The following ATP2C1 variants were observed in gnomAD, a reference collection of about 807,000 sequenced individuals.
ATP2C1 encodes ATPase secretory pathway Ca2+ transporting 1.
Under a neutral mutation model 120.5 loss-of-function variants are expected in ATP2C1, and 31 were observed. That is an observed-to-expected ratio of 0.26 (90% CI 0.19 to 0.35). ATP2C1 has a LOEUF of 0.35. ATP2C1 is among the 10% of genes least tolerant of loss of function. The probability of loss-of-function intolerance (pLI) is 1.00; values close to 1 mark genes in which losing one functional copy is unlikely to be tolerated. For synonymous variants in ATP2C1, 351 were observed against 358.7 expected (o/e 0.98, Z 0.24); for missense variants, 731 against 1,107.5 (o/e 0.66, Z 4.83).
rs1421518550 is a variant in ATP2C1 at position 131,002,832 on chromosome 3, G to T, written c.*1482G>T. 1.0e-6 allele frequency: 1 copy of T among 985,610 alleles called. No homozygotes were observed. Among genetic ancestry groups the T allele is most frequent in the Non-Finnish European group, 1.2e-6 (1 of 829,888 alleles). 61.1% of individuals were successfully genotyped at this position (985,610 alleles called of 1,614,324 possible). ...TATTCTTTGAGTCATTGTTACTGAG[G>T]CAGTTGAGTGTAAGGAGCTGGCTGC... On this transcript the variant is annotated 3_prime_UTR_variant, in exon 28 of 28. Coordinates refer to ENST00000510168, the MANE Select transcript of ATP2C1 (RefSeq NM_001378687.1).
At chr3:130,896,616 C>T (rs1006166268) in intron 2 of ATP2C1, among the ~76,000 whole-genome samples, 17 of 152,108 alleles carry the variant, frequency 1.1e-4, no homozygotes, top group African/African-American at 3.9e-4. Flanking sequence ...TAGTTTTCAT[C>T]CTTCTTTGAT....
At position 130,924,747 on chromosome 3, in the gene ATP2C1, G is replaced by A. The variant is rs147374007; in HGVS notation, c.7-5669G>A. Among the ~76,000 whole-genome samples the A allele has an allele frequency of 1.6e-4, 24 of 152,118 alleles. No homozygotes were observed. In the East Asian group the frequency reaches 3.7e-3, roughly 23 times the overall value. On this transcript the variant is annotated intron_variant, in intron 2 of 27. Coordinates refer to ENST00000510168, the MANE Select transcript of ATP2C1 (RefSeq NM_001378687.1). ...TGTTTAACGTAGACCCAGCCTTCAC[G>A]GATGCTTTGTTTATTTTTTTTAAAA... is the stretch of plus-strand genomic sequence containing the variant.
chr3:130,953,146 C>A (rs1291571644), intron 8 of ATP2C1, among the ~76,000 whole-genome samples: 1 of 151,712 alleles, frequency 6.6e-6, no homozygotes, highest in Non-Finnish European at 1.5e-5. Flanking sequence ...TGTATCTATA[C>A]TCATAAAATT....
At chr3:130,954,941 ATGTG>A in intron 9 of ATP2C1, 67 bp from the exon 10 acceptor site, 1 of 1,015,740 alleles carries the variant, frequency 9.8e-7, no homozygotes, top group East Asian at 2.4e-5. Flanking sequence ...AAGTTGTTGG[ATGTG>A]TGTGTGTATG....
intron 25 of ATP2C1, among the ~76,000 whole-genome samples, chr3:130,997,992 TAGAG>T (rs1317861969): frequency 6.6e-6 from 1 of 152,162 alleles, no homozygotes; most frequent in Non-Finnish European, 1.5e-5. Context: ...CATGAAAATT[TAGAG>T]AGAAGTTGGA....
At chr3:130,954,104 T>TA in intron 9 of ATP2C1, 128 bp downstream of exon 9, 1 of 976,478 alleles carries the variant, frequency 1.0e-6, no homozygotes, top group South Asian at 1.4e-5. Context: ...CTTAACCCAT[T>TA]ACATCTATTT....
chr3:130,857,257 T>A (rs1467440041), intron 1 of ATP2C1, among the ~76,000 whole-genome samples: 1 of 152,256 alleles, frequency 6.6e-6, no homozygotes, highest in Non-Finnish European at 1.5e-5. Context: ...CTGAGAGTTA[T>A]CATTGATAGC....
intron 18 of ATP2C1, among the ~76,000 whole-genome samples, chr3:130,976,530 C>T (rs772897409): frequency 2.0e-5 from 3 of 152,120 alleles, no homozygotes; most frequent in Non-Finnish European, 4.4e-5. Flanking sequence ...AGACTCATGG[C>T]TGAGAAGTTA....
intron 1 of ATP2C1, among the ~76,000 whole-genome samples, chr3:130,863,120 A>G (rs111531977): frequency 6.6e-6 from 1 of 152,198 alleles, no homozygotes; most frequent in East Asian, 1.9e-4. Flanking sequence ...ACTATAATAC[A>G]CAAGAGTCCA....
In ATP2C1 at chr3:130,932,052, G is replaced by T; in HGVS notation, c.148G>T (p.Glu50Ter). ...ADLQNGLNKCEVSHRRAFHGW... is the reference protein window; with the variant it reads ...ADLQNGLNKC ...TCTTCAGAATGGTCTAAACAAATGT[G>T]AAGTTAGTCATAGGCGAGCCTTTCA... The change falls in exon 4 of 28, where the codon GAA (glutamate) becomes TAA (stop). Residue 50 changes from glutamate to a stop codon, truncating the protein, a stop_gained. Coordinates refer to ENST00000510168, the MANE Select transcript of ATP2C1 (RefSeq NM_001378687.1). LOFTEE classifies it high-confidence loss of function. The T allele has an allele frequency of 6.2e-7, 1 of 1,612,404 alleles. No individual in the cohort carries two copies. Among genetic ancestry groups the T allele is most frequent in the Non-Finnish European group, 8.5e-7 (1 of 1,178,602 alleles).
chr3:130,927,166 A>G (rs1226140580), intron 2 of ATP2C1, among the ~76,000 whole-genome samples: 1 of 152,186 alleles, frequency 6.6e-6, no homozygotes, highest in Non-Finnish European at 1.5e-5. Context: ...AAAACAGGTA[A>G]AACAACAAAC....
intron 20 of ATP2C1, among the ~76,000 whole-genome samples, chr3:130,989,513 C>T (rs1319631568): frequency 1.4e-5 from 2 of 146,990 alleles, no homozygotes; most frequent in Non-Finnish European, 3.0e-5. Context: ...TGTGGTGAGC[C>T]GAGATTGCGC....
chr3:131,003,247 A>AT, downstream of ATP2C1: 1 of 752,288 alleles, frequency 1.3e-6, no homozygotes, highest in Non-Finnish European at 1.6e-6. Context: ...GAGAATGCAT[A>AT]GTACACAGAA....
intron 6 of ATP2C1, among the ~76,000 whole-genome samples, chr3:130,938,086 A>G (rs1459061077): frequency 1.3e-5 from 2 of 152,210 alleles, no homozygotes; most frequent in Non-Finnish European, 2.9e-5. Flanking sequence ...TCCTCCACAA[A>G]AGGGGTGTTG....
chr3:130,859,463 A>G (rs1270028268), intron 1 of ATP2C1, among the ~76,000 whole-genome samples: 2 of 152,258 alleles, frequency 1.3e-5, no homozygotes, highest in Non-Finnish European at 2.9e-5. Flanking sequence ...ATAAATAGCT[A>G]AATATACATA....
chr3:130,907,734 T>G (rs533512711), intron 2 of ATP2C1, among the ~76,000 whole-genome samples: 2 of 152,008 alleles, frequency 1.3e-5, no homozygotes, highest in South Asian at 4.1e-4. Context: ...GCCTTTCTTT[T>G]TTTTTTTTTT....
At chr3:131,005,109 CTT>C (rs35129703), downstream of ATP2C1, among the ~76,000 whole-genome samples, 75 of 92,624 alleles carry the variant, frequency 8.1e-4, no homozygotes, top group African/African-American at 3.1e-3. Context: ...TTTGAATTGT[CTT>C]TTTTTTTTTT....
At chr3:130,987,407 G>T (rs1424150024) in intron 20 of ATP2C1, among the ~76,000 whole-genome samples, 1 of 152,158 alleles carries the variant, frequency 6.6e-6, no homozygotes, top group African/African-American at 2.4e-5. Context: ...AAACTCCTGG[G>T]TTCAGGTGAT....
chr3:131,015,850 C>T (rs900792492), intron 26 of ATP2C1: 5 of 477,502 alleles, frequency 1.0e-5, no homozygotes, highest in African/African-American at 9.9e-5. Flanking sequence ...GAGTTGTATC[C>T]TACCAATGAT....
Sources: gnomAD v4.1 joint callset for allele counts (sites outside exome capture counted in the v4.1 genomes callset) on GRCh38, gnomAD v4.1.1 for gene constraint, MANE v1.5 for transcripts, NCBI Gene and HGNC (gene_info 2026-07-23, HGNC 2026-07-21) for gene names.